ATP2C2: variants seen among roughly 807,000 people sequenced by gnomAD.
ATP2C2 encodes ATPase secretory pathway Ca2+ transporting 2, also known as calcium-transporting ATPase type 2C member 2.
In ATP2C2, 171 loss-of-function variants were observed where a neutral mutation model predicts 110.8. That is an observed-to-expected ratio of 1.54 (90% CI 1.36 to 1.75). The LOEUF (loss-of-function observed/expected upper bound fraction) is 1.75, where lower values mean the gene tolerates loss of function less well. Among genes scored for constraint, ATP2C2 ranks in the 40% most tolerant of loss-of-function variants. ATP2C2 has a pLI of 0.00. For missense variants in ATP2C2, 1,963 were observed against 1,235.0 expected (o/e 1.59, Z -8.84); for synonymous variants, 804 against 508.4 (o/e 1.58, Z -7.82).
At position 84,463,818 on chromosome 16, in the gene ATP2C2, T is replaced by C. The variant is rs1911650211; in HGVS notation, c.*86T>C. The stretch of plus-strand genomic sequence containing the variant: ...GCCGTGTCTCCTCGTCAGGGGAGAC[T>C]TTTAGGAGGCCGCAGCCTTCCATCA... On this transcript the variant is annotated 3_prime_UTR_variant, in exon 27 of 27. Coordinates refer to ENST00000262429, the MANE Select transcript of ATP2C2 (RefSeq NM_014861.4). 2 of 1,190,084 alleles carry C rather than the reference T, an allele frequency of 1.7e-6. No homozygotes were observed. The highest frequency in any genetic ancestry group is 3.7e-5 in the Admixed American group (2 of 54,060). 73.7% of individuals were successfully genotyped at this position (1,190,084 alleles called of 1,614,324 possible).
chr16:84,444,401 A>T (rs1567730174), intron 15 of ATP2C2, among the ~76,000 whole-genome samples: 1 of 151,708 alleles, frequency 6.6e-6, no homozygotes, highest in Non-Finnish European at 1.5e-5. Context: ...TGAACCCAGG[A>T]GGCGGAGGTT....
At position 84,463,781 on chromosome 16, in the gene ATP2C2, ACTGTGGCCCCTGCCGTGT is replaced by A. The variant is rs1911644667; in HGVS notation, c.*52_*69del. 3 of 1,508,494 alleles carry A rather than the reference ACTGTGGCCCCTGCCGTGT, an allele frequency of 2.0e-6. No homozygotes were observed. The African/African-American group carries it at 4.1e-5, about 21-fold the overall frequency. The allele number at this position is 1,508,494 out of a possible 1,614,324, so 93.4% of individuals were successfully genotyped here. On this transcript the variant is annotated 3_prime_UTR_variant, in exon 27 of 27. Transcript: ENST00000262429. ...CCCTAATCATCTCGATCTGGTTGTG[ACTGTGGCCCCTGCCGTGT>A]CTCCTCGTCAGGGGAGACTTTTAGG...
chr16:84,422,724 C>G (rs774645699), intron 9 of ATP2C2, 27 bp downstream of exon 9: 147 of 1,581,696 alleles, frequency 9.3e-5, no homozygotes, highest in Non-Finnish European at 1.2e-4. Context: ...GGCTTCGGGA[C>G]TTTTGTAAGC....
chr16:84,461,904 G>T, intron 25 of ATP2C2, 84 bp from the exon 26 acceptor site: 6 of 1,606,512 alleles, frequency 3.7e-6, no homozygotes, highest in Non-Finnish European at 5.1e-6. Flanking sequence ...AGCGGCTCTG[G>T]CTCAGCGTGG....
chr16:84,448,054 A>C (rs1909922393), intron 16 of ATP2C2, among the ~76,000 whole-genome samples: 1 of 152,004 alleles, frequency 6.6e-6, no homozygotes. Context: ...GTCATGACAG[A>C]GCTTAAGAAA....
chr16:84,402,318 C>T (rs1905380549), intron 2 of ATP2C2, among the ~76,000 whole-genome samples: 1 of 152,106 alleles, frequency 6.6e-6, no homozygotes, highest in Non-Finnish European at 1.5e-5. Context: ...TTATTTTTTA[C>T]TCTTGTCTGA....
chr16:84,446,679 T>C (rs1401460660), intron 16 of ATP2C2, among the ~76,000 whole-genome samples: 2 of 152,142 alleles, frequency 1.3e-5, no homozygotes, highest in African/African-American at 4.8e-5. Context: ...ACGCGAGACT[T>C]TATTAGAAAT....
intron 17 of ATP2C2, among the ~76,000 whole-genome samples, chr16:84,450,536 G>T (rs763501988): frequency 5.3e-5 from 8 of 152,150 alleles, no homozygotes; most frequent in Non-Finnish European, 1.2e-4. Flanking sequence ...TAGAAGCAGG[G>T]GATGCTCCTG....
intron 1 of ATP2C2, among the ~76,000 whole-genome samples, chr16:84,395,060 G>A (rs1050840372): frequency 2.6e-5 from 4 of 152,112 alleles, no homozygotes; most frequent in African/African-American, 9.7e-5. Flanking sequence ...CCGTGGATGG[G>A]CATCGGGCAG....
At chr16:84,412,392 CTGTGTGTGTCTG>C (rs926666824) in intron 6 of ATP2C2, among the ~76,000 whole-genome samples, 1 of 125,572 alleles carries the variant, frequency 8.0e-6, no homozygotes, top group African/African-American at 3.1e-5. Context: ...GTATATGTGT[CTGTGTGTGTCTG>C]TGCATGTGTC....
rs550973219 is a variant in ATP2C2, at chr16:84,376,030, C to T, written c.99+7316C>T. Among the ~76,000 whole-genome samples, 14 of 152,022 alleles carry T rather than the reference C, an allele frequency of 9.2e-5. No homozygotes were observed. In the South Asian group the frequency reaches 2.9e-3, roughly 32 times the overall value. On this transcript the variant is annotated intron_variant, in intron 1 of 26. Coordinates refer to ENST00000262429, the MANE Select transcript of ATP2C2 (RefSeq NM_014861.4). The stretch of plus-strand genomic sequence containing the variant: ...ATTATTAGGCAAGAATCCAGATCCC[C>T]AGGGGTGGCGGTGTATGAGCGGTGC...
intron 1 of ATP2C2, among the ~76,000 whole-genome samples, chr16:84,370,534 C>T (rs1383829265): frequency 1.3e-5 from 2 of 152,106 alleles, no homozygotes; most frequent in African/African-American, 2.4e-5. Flanking sequence ...GCGAGGCACT[C>T]ACTTCCTGCC....
At chr16:84,428,742 A>T (rs1192129595) in intron 11 of ATP2C2, among the ~76,000 whole-genome samples, 1 of 152,246 alleles carries the variant, frequency 6.6e-6, no homozygotes, top group African/African-American at 2.4e-5. Context: ...AAGACATTCA[A>T]ACCACATCAG....
At chr16:84,442,417 C>T (rs1909347894) in intron 14 of ATP2C2, 93 bp from the exon 15 acceptor site, 9 of 1,208,760 alleles carry the variant, frequency 7.4e-6, no homozygotes, top group Non-Finnish European at 9.7e-6. Context: ...CTTGTCCCCA[C>T]AACCCCAGCT....
At chr16:84,403,537 G>T (rs531660206) in intron 2 of ATP2C2, among the ~76,000 whole-genome samples, 3 of 152,014 alleles carry the variant, frequency 2.0e-5, no homozygotes, top group South Asian at 2.1e-4. Context: ...TGAACTCCTG[G>T]GTTCAAGCAA....
Position 84,462,148 on chromosome 16 carries a change from A to T in ATP2C2, c.2722+19A>T. The T allele has an allele frequency of 5.0e-6, 8 of 1,606,790 alleles. No individual in the cohort carries two copies. Among genetic ancestry groups the T allele is most frequent in the Non-Finnish European group, 6.8e-6 (8 of 1,175,194 alleles). On this transcript the variant is annotated intron_variant, in intron 26 of 26. Coordinates refer to ENST00000262429, the MANE Select transcript of ATP2C2 (RefSeq NM_014861.4). ...GCGCTTGGTGAGTGGTGGGGACGGG[A>T]ACGACAGGTGACCTCGACCAGGGCC...
At chr16:84,394,213 T>C (rs935550781) in intron 1 of ATP2C2, among the ~76,000 whole-genome samples, 1 of 151,972 alleles carries the variant, frequency 6.6e-6, no homozygotes, top group Non-Finnish European at 1.5e-5. Flanking sequence ...CTTATTTTAT[T>C]GAGGTGAAAT....
chr16:84,426,081 A>G (rs2150549808), intron 11 of ATP2C2: 1 of 424,092 alleles, frequency 2.4e-6, no homozygotes, highest in Middle Eastern at 6.8e-4. Flanking sequence ...GAGGCTTGGT[A>G]ATTTATTAAG....
chr16:84,405,285 G>T, intron 3 of ATP2C2, 41 bp downstream of exon 3: 1 of 1,523,268 alleles, frequency 6.6e-7, no homozygotes. Context: ...ACATGCATAA[G>T]CCAGCGAGGG....
Sources: allele counts gnomAD v4.1 joint callset (sites outside exome capture counted in the v4.1 genomes callset), GRCh38; gene constraint gnomAD v4.1.1; transcripts MANE v1.5; gene names NCBI Gene and HGNC (gene_info 2026-07-23, HGNC 2026-07-21).